NBAS: variants seen among roughly 807,000 people sequenced by gnomAD.
NBAS encodes the protein NBAS subunit of NRZ tethering complex.
NBAS carries 219 observed loss-of-function variants against 302.5 expected under a neutral mutation model. The observed-to-expected ratio is 0.72, with a 90% CI of 0.65 to 0.81. The LOEUF (loss-of-function observed/expected upper bound fraction) is 0.81, where lower values mean the gene tolerates loss of function less well. Ranked by LOEUF, NBAS falls within the 30% of genes least tolerant of loss-of-function variation. The pLI, the probability that NBAS is intolerant of heterozygous loss-of-function variation, is 0.00. For synonymous variants in NBAS, 1,118 were observed against 1,021.6 expected, an observed-to-expected ratio of 1.09 and a Z score of -1.80; for missense variants, 2,932 against 2,841.6, an observed-to-expected ratio of 1.03 and a Z score of -0.72.
At chr2:14,991,843 A>G in the NBAS span, among the ~76,000 whole-genome samples, 9 of 152,344 alleles carry the variant, frequency 5.9e-5, no homozygotes, top group Non-Finnish European at 1.5e-5. Flanking sequence ...CAGATTTAGC[A>G]TTCTCCAAAT....
the NBAS span, among the ~76,000 whole-genome samples, chr2:14,920,320 G>A: frequency 4.9e-4 from 74 of 152,280 alleles, no homozygotes; most frequent in Middle Eastern, 3.4e-3. Flanking sequence ...GTAAACAGAT[G>A]TGCTGTCATC....
chr2:14,809,312 C>T, the NBAS span, among the ~76,000 whole-genome samples: 77 of 152,218 alleles, frequency 5.1e-4, 1 homozygote, highest in African/African-American at 1.7e-3. Flanking sequence ...GGACTGGAGA[C>T]ATAGAAGGAA....
At chr2:14,848,392 G>A in the NBAS span, among the ~76,000 whole-genome samples, 4 of 140,856 alleles carry the variant, frequency 2.8e-5, no homozygotes, top group South Asian at 2.1e-4. Flanking sequence ...GGCGCACCAC[G>A]AGACTATATC....
chr2:15,207,356 T>C (rs1666195949), intron 48 of NBAS, among the ~76,000 whole-genome samples: 1 of 152,170 alleles, frequency 6.6e-6, no homozygotes, highest in Non-Finnish European at 1.5e-5. Flanking sequence ...ACTAACTAAT[T>C]TGTGATTTTA....
the NBAS span, among the ~76,000 whole-genome samples, chr2:14,910,762 T>A: frequency 6.6e-6 from 1 of 152,230 alleles, no homozygotes; most frequent in East Asian, 1.9e-4. Flanking sequence ...TTCCCCACAT[T>A]TTTAAATTTA....
chr2:15,040,848 C>A, the NBAS span, among the ~76,000 whole-genome samples: 1 of 152,236 alleles, frequency 6.6e-6, no homozygotes, highest in Non-Finnish European at 1.5e-5. Context: ...AAGGCCCCAT[C>A]GTACATTGCC....
chr2:15,454,705 T>C (rs78642877), intron 21 of NBAS, among the ~76,000 whole-genome samples: 2,034 of 152,170 alleles, frequency 0.013, 35 homozygotes, highest in East Asian at 0.059. Flanking sequence ...GAGAAGCAAC[T>C]CCCATCCACA....
Position 15,379,742 on chromosome 2 carries a change from ATTT to A in NBAS, c.3447_3449del (p.Glu1149_Asn1150delinsAsp). 6.2e-7 allele frequency: 1 copy of A among 1,613,940 alleles called. No individual in the cohort carries two copies. The highest frequency in any genetic ancestry group is 8.5e-7 in the Non-Finnish European group (1 of 1,179,962). On this transcript the variant is annotated inframe_deletion, in exon 30 of 52. Transcript: ENST00000281513. The stretch of plus-strand genomic sequence containing the variant: ...CTTTATGGGCTATACCAGCTGGAGG[ATTT>A]TCTGAACAAGCACTGCAGTGCATCA...
chr2:15,135,867 TAAAA>T, the NBAS span, among the ~76,000 whole-genome samples: 4 of 132,452 alleles, frequency 3.0e-5, no homozygotes, highest in South Asian at 2.5e-4. Flanking sequence ...GCTGATGAGC[TAAAA>T]AAAAAAAAAA....
chr2:15,430,623 A>G (rs916000094), intron 21 of NBAS, among the ~76,000 whole-genome samples: 4 of 152,196 alleles, frequency 2.6e-5, no homozygotes, highest in African/African-American at 9.6e-5. Context: ...AAGCTAATAA[A>G]TTGACAAAGC....
the NBAS span, among the ~76,000 whole-genome samples, chr2:15,087,097 C>T: frequency 0.075 from 11,342 of 151,862 alleles, 1,026 homozygotes; most frequent in African/African-American, 0.21. Context: ...CAATTCTTCC[C>T]GGTCTCAAGC....
chr2:15,247,726 C>CTATCTATAGATCTATATATATCTA (rs1558472425), intron 44 of NBAS, among the ~76,000 whole-genome samples: 6 of 148,882 alleles, frequency 4.0e-5, no homozygotes, highest in Non-Finnish European at 7.4e-5. Flanking sequence ...ATATATACCT[C>CTATCTATAGATCTATATATATCTA]TATCTATAGA....
At chr2:15,353,968 A>G (rs1363349200) in intron 33 of NBAS, among the ~76,000 whole-genome samples, 1 of 152,206 alleles carries the variant, frequency 6.6e-6, no homozygotes, top group African/African-American at 2.4e-5. Context: ...ATTAACTGAC[A>G]ATAAATGCAA....
chr2:15,001,745 G>A, the NBAS span, among the ~76,000 whole-genome samples: 1 of 152,114 alleles, frequency 6.6e-6, no homozygotes, highest in Non-Finnish European at 1.5e-5. Flanking sequence ...CTGATGTTCG[G>A]ATGTGTTCGG....
intron 38 of NBAS, among the ~76,000 whole-genome samples, chr2:15,320,849 C>T (rs1671771265): frequency 1.3e-5 from 2 of 152,138 alleles, no homozygotes; most frequent in African/African-American, 4.8e-5. Flanking sequence ...AATGCCATCC[C>T]CATCAAGCTA....
At chr2:15,008,503 C>T in the NBAS span, among the ~76,000 whole-genome samples, 1 of 152,188 alleles carries the variant, frequency 6.6e-6, no homozygotes, top group African/African-American at 2.4e-5. Context: ...TTGACCAGAA[C>T]CTACAGTTTC....
At chr2:15,411,232 T>G (rs985459094) in intron 25 of NBAS, among the ~76,000 whole-genome samples, 11 of 152,138 alleles carry the variant, frequency 7.2e-5, no homozygotes, top group African/African-American at 2.7e-4. Flanking sequence ...CTCATCATTT[T>G]AAAGACTTCA....
At chr2:15,371,858 G>C (rs1038220111) in intron 31 of NBAS, among the ~76,000 whole-genome samples, 1 of 152,130 alleles carries the variant, frequency 6.6e-6, no homozygotes, top group African/African-American at 2.4e-5. Flanking sequence ...GAAGAGAAAG[G>C]ATGTGGGGAG....
intron 41 of NBAS, among the ~76,000 whole-genome samples, 191 bp from the exon 42 acceptor site, chr2:15,287,374 T>C (rs1670093111): frequency 6.6e-6 from 1 of 152,198 alleles, no homozygotes; most frequent in South Asian, 2.1e-4. Flanking sequence ...CACTGTGGTG[T>C]ATTACAATTT....
Sources: gnomAD v4.1 joint callset for allele counts (sites outside exome capture counted in the v4.1 genomes callset) on GRCh38, gnomAD v4.1.1 for gene constraint, MANE v1.5 for transcripts, NCBI Gene and HGNC (gene_info 2026-07-23, HGNC 2026-07-21) for gene names.